HMCN1: variants seen among roughly 807,000 people sequenced by gnomAD.
HMCN1 encodes the protein hemicentin-1.
In HMCN1, 321 loss-of-function variants were observed where a neutral mutation model predicts 625.9. The observed-to-expected ratio is 0.51, with a 90% CI of 0.47 to 0.56. The LOEUF is 0.56. Among genes scored for constraint, HMCN1 ranks in the 20% least tolerant of loss-of-function variants. The probability of loss-of-function intolerance (pLI) is 0.00; values close to 1 mark genes in which losing one functional copy is unlikely to be tolerated. For synonymous variants in HMCN1, 2,425 were observed against 2,417.6 expected, an observed-to-expected ratio of 1.00 and a Z score of -0.09; for missense variants, 6,588 against 6,887.3, an observed-to-expected ratio of 0.96 and a Z score of 1.54.
At chr1:185,832,991 T>C (rs1660957104) in intron 1 of HMCN1, among the ~76,000 whole-genome samples, 1 of 152,220 alleles carries the variant, frequency 6.6e-6, no homozygotes, top group African/African-American at 2.4e-5. Flanking sequence ...TCTTCCATTG[T>C]TACAGTAAGC....
intron 6 of HMCN1, among the ~76,000 whole-genome samples, chr1:185,918,107 C>A (rs1018020290): frequency 1.3e-5 from 2 of 152,134 alleles, no homozygotes; most frequent in Non-Finnish European, 2.9e-5. Context: ...TTGGCTCACA[C>A]AATCTCAAGT....
In HMCN1 at chr1:185,987,451, T is replaced by C. The variant is rs1435020322; in HGVS notation, c.2955T>C (p.His985=). The C allele has an allele frequency of 5.0e-6, 8 of 1,613,266 alleles. No individual in the cohort carries two copies. The highest frequency in any genetic ancestry group is 1.7e-5 in the Admixed American group (1 of 60,014). The change falls in exon 20 of 107, where the codon CAT becomes CAC. Residue 985 remains histidine, a synonymous_variant. Transcript: ENST00000271588. ...VVVHVLPTIQ[H]GQQILSTIEG... is the part of the protein sequence containing the mutation. ...TTTCAGTTCTGCCAACCATTCAGCA[T>C]GGGCAGCAGATACTCAGTACAATTG... is the stretch of plus-strand genomic sequence containing the variant.
rs36021341 is a variant in HMCN1 at position 185,748,034 on chromosome 1, ATT to A, written c.268+13012_268+13013del. Among the ~76,000 whole-genome samples, 786 of 118,124 alleles carry A rather than the reference ATT, an allele frequency of 6.7e-3. 4 individuals are homozygous for A. Among genetic ancestry groups the A allele is most frequent in the African/African-American group, 0.016 (495 of 30,200 alleles). The allele number at this position is 118,124 out of a possible 152,430, so 77.5% of individuals were successfully genotyped here. ...ATAAATACAAGAAAGGGTACTTAAA[ATT>A]TTTTTTTTTTTTTTTTTTTTTTTTA... On this transcript the variant is annotated intron_variant, in intron 1 of 106. Coordinates refer to ENST00000271588, the MANE Select transcript of HMCN1 (RefSeq NM_031935.3).
chr1:186,067,443 A>G (rs1228139483), intron 49 of HMCN1, among the ~76,000 whole-genome samples: 6 of 152,086 alleles, frequency 3.9e-5, no homozygotes, highest in Non-Finnish European at 4.4e-5. Context: ...CCTGCTAACT[A>G]CCACTGATCG....
At chr1:185,776,231 T>C (rs1656595985) in intron 1 of HMCN1, among the ~76,000 whole-genome samples, 1 of 152,208 alleles carries the variant, frequency 6.6e-6, no homozygotes, top group African/African-American at 2.4e-5. Flanking sequence ...TATGAACCTT[T>C]AAATTGTCTC....
In HMCN1 at chr1:186,115,373, T is replaced by C; in HGVS notation, c.11520T>C (p.Asn3840=). The change falls in exon 75 of 107, where the codon AAT becomes AAC. Residue 3840 remains asparagine (N), a synonymous_variant. Coordinates refer to ENST00000271588, the MANE Select transcript of HMCN1 (RefSeq NM_031935.3). ...AACCATCAATCAATTGGAGAAAAAA[T>C]GGGCATCTTCTTAATGTGGATCAAA... ...IPKPSINWRK[N]GHLLNVDQNQ... The C allele has an allele frequency of 6.2e-7, 1 of 1,613,842 alleles. No individual in the cohort carries two copies.
intron 44 of HMCN1, 147 bp downstream of exon 44, chr1:186,054,133 A>C: frequency 1.2e-6 from 1 of 851,804 alleles, no homozygotes; most frequent in South Asian, 1.5e-5. Context: ...TTGTGCTGAC[A>C]TAACTGGAGA....
At chr1:186,028,869 C>T (rs921964505) in intron 36 of HMCN1, among the ~76,000 whole-genome samples, 1 of 151,820 alleles carries the variant, frequency 6.6e-6, no homozygotes, top group Non-Finnish European at 1.5e-5. Context: ...GGGTTACAGG[C>T]ACCTGCCACC....
Position 185,984,293 on chromosome 1 carries a change from C to G in HMCN1, c.2915C>G (p.Thr972Ser). Residue 972 changes from threonine to serine, a missense_variant, in exon 19 of 107, where the codon ACT becomes AGT. Physicochemically the swap from Thr to Ser is moderately conservative, Grantham distance 58. Around this residue, in one of 3 missense-constraint regions of HMCN1, gnomAD observed 4,628 missense variants for 4,853.1 expected, o/e 0.95. Coordinates refer to ENST00000271588, the MANE Select transcript of HMCN1 (RefSeq NM_031935.3). ...ASNVAGTNNK[T>S]TSVVVHVLPT... ...AACGTTGCTGGGACCAATAACAAAA[C>G]TACCTCTGTGGTTGTGCATGGTAAG... is the stretch of plus-strand genomic sequence containing the variant. 6.2e-7 allele frequency: 1 copy of G among 1,613,960 alleles called. No homozygotes were observed. Among genetic ancestry groups the G allele is most frequent in the Non-Finnish European group, 8.5e-7 (1 of 1,179,944 alleles).
intron 2 of HMCN1, among the ~76,000 whole-genome samples, chr1:185,858,559 ATGCC>A (rs1662624440): frequency 2.3e-5 from 1 of 43,462 alleles, no homozygotes; most frequent in Non-Finnish European, 3.5e-5. Flanking sequence ...TGCCAGCTAT[ATGCC>A]TATATGCCAC....
intron 50 of HMCN1, 45 bp downstream of exon 50, chr1:186,068,052 A>G (rs1205475942): frequency 2.0e-6 from 3 of 1,485,720 alleles, no homozygotes; most frequent in Non-Finnish European, 2.8e-6. Context: ...TGCGTCATCT[A>G]CTATTCTAGA....
chr1:185,946,771 T>A (rs1331265510), intron 11 of HMCN1, among the ~76,000 whole-genome samples: 1 of 152,196 alleles, frequency 6.6e-6, no homozygotes, highest in African/African-American at 2.4e-5. Flanking sequence ...TAGTATTAAG[T>A]GGAAACATTG....
intron 84 of HMCN1, among the ~76,000 whole-genome samples, 169 bp from the exon 85 acceptor site, chr1:186,130,338 C>A (rs574827622): frequency 6.6e-6 from 1 of 152,038 alleles, no homozygotes; most frequent in Non-Finnish European, 1.5e-5. Context: ...TTGAAATTGA[C>A]AAAATTATCT....
intron 42 of HMCN1, 63 bp from the exon 43 acceptor site, chr1:186,052,889 G>T: frequency 7.3e-7 from 1 of 1,378,904 alleles, no homozygotes; most frequent in Non-Finnish European, 1.0e-6. Context: ...TATCTTACAT[G>T]TAAACTGTTA....
At chr1:186,019,455 TAA>T in intron 34 of HMCN1, 84 bp from the exon 35 acceptor site, 1 of 932,242 alleles carries the variant, frequency 1.1e-6, no homozygotes, top group South Asian at 1.4e-5. Context: ...TTCTAAATTT[TAA>T]GGTTTCAGGT....
chr1:185,771,697 A>G (rs1656251659), intron 1 of HMCN1, among the ~76,000 whole-genome samples: 1 of 152,162 alleles, frequency 6.6e-6, no homozygotes, highest in South Asian at 2.1e-4. Context: ...ATTTGGGACA[A>G]ATATTCAGGT....
intron 43 of HMCN1, among the ~76,000 whole-genome samples, chr1:186,053,446 T>C (rs928715232): frequency 6.6e-6 from 1 of 152,030 alleles, no homozygotes; most frequent in Non-Finnish European, 1.5e-5. Context: ...ACCCCAAACC[T>C]CAGCATCACA....
chr1:185,961,304 A>G (rs1249250043), intron 11 of HMCN1, among the ~76,000 whole-genome samples: 1 of 152,198 alleles, frequency 6.6e-6, no homozygotes, highest in African/African-American at 2.4e-5. Flanking sequence ...TACAGGAAAG[A>G]TATATCATAA....
chr1:185,794,236 G>A (rs1251540468), intron 1 of HMCN1, among the ~76,000 whole-genome samples: 1 of 152,052 alleles, frequency 6.6e-6, no homozygotes, highest in Non-Finnish European at 1.5e-5. Flanking sequence ...CTGTAATGCA[G>A]CTACGCTCTC....
Sources: gnomAD v4.1 joint callset for allele counts (sites outside exome capture counted in the v4.1 genomes callset) on GRCh38, gnomAD v4.1.1 for gene constraint, gnomAD v4.1.1 regional missense constraint, MANE v1.5 for transcripts, NCBI Gene and HGNC (gene_info 2026-07-23, HGNC 2026-07-21) for gene names.